Variants in TMEM132D observed in about 807,000 individuals in gnomAD.
TMEM132D encodes mature OL transmembrane protein.
In TMEM132D, 21 loss-of-function variants were observed where a neutral mutation model predicts 62.3. That is an observed-to-expected ratio of 0.34 (90% CI 0.24 to 0.49). The LOEUF is 0.49. Ranked by LOEUF, TMEM132D falls within the 20% of genes least tolerant of loss-of-function variation. The probability of loss-of-function intolerance (pLI) is 0.99; values close to 1 mark genes in which losing one functional copy is unlikely to be tolerated. For synonymous variants in TMEM132D, 621 were observed against 575.6 expected, an observed-to-expected ratio of 1.08 and a Z score of -1.13; for missense variants, 1,346 against 1,402.8, an observed-to-expected ratio of 0.96 and a Z score of 0.65.
intron 4 of TMEM132D, among the ~76,000 whole-genome samples, chr12:129,254,314 A>G (rs1317729571): frequency 1.3e-5 from 2 of 152,220 alleles, no homozygotes; most frequent in East Asian, 3.9e-4. Flanking sequence ...TCAATATATC[A>G]CATGCGTGCC....
intron 5 of TMEM132D, among the ~76,000 whole-genome samples, chr12:129,150,112 CA>C (rs1877029162): frequency 1.3e-5 from 2 of 152,222 alleles, no homozygotes; most frequent in South Asian, 4.1e-4. Context: ...CAGCACAGGC[CA>C]GGGGCAAGCC....
In TMEM132D at chr12:129,823,967, G is replaced by A. The variant is rs145540450; in HGVS notation, c.79+79294C>T. Among the ~76,000 whole-genome samples the A allele has an allele frequency of 2.1e-4, 32 of 152,244 alleles. No individual in the cohort carries two copies. The South Asian group carries it at 2.9e-3, about 14-fold the overall frequency. ...ATAGAGGCCTTAGCATGAGCCAGGC[G>A]TTGATGTAGGAAAGTGCTTCTCATC... On this transcript the variant is annotated intron_variant, in intron 1 of 8. Coordinates refer to ENST00000422113, the MANE Select transcript of TMEM132D (RefSeq NM_133448.3).
chr12:129,443,834 T>C (rs1042935066), intron 3 of TMEM132D, among the ~76,000 whole-genome samples: 1 of 152,194 alleles, frequency 6.6e-6, no homozygotes, highest in African/African-American at 2.4e-5. Flanking sequence ...TCTTTGTCGA[T>C]AATGATTGTT....
At chr12:129,229,382 C>G (rs1879574236) in intron 4 of TMEM132D, among the ~76,000 whole-genome samples, 1 of 152,182 alleles carries the variant, frequency 6.6e-6, no homozygotes, top group South Asian at 2.1e-4. Flanking sequence ...TCATTTATAG[C>G]TTCCAAACAT....
chr12:129,434,851 A>G (rs1872747779), intron 3 of TMEM132D, among the ~76,000 whole-genome samples: 1 of 152,146 alleles, frequency 6.6e-6, no homozygotes, highest in South Asian at 2.1e-4. Context: ...GCTATTTTGA[A>G]ATATACACTA....
chr12:129,377,794 TTC>T (rs1555252082), intron 3 of TMEM132D, among the ~76,000 whole-genome samples: 1 of 152,222 alleles, frequency 6.6e-6, no homozygotes, highest in Non-Finnish European at 1.5e-5. Flanking sequence ...ATGCTGTGAT[TTC>T]TGTTATGCAT....
intron 3 of TMEM132D, among the ~76,000 whole-genome samples, chr12:129,397,812 T>TG (rs1232052573): frequency 6.6e-6 from 1 of 152,184 alleles, no homozygotes; most frequent in Admixed American, 6.5e-5. Context: ...ACACCTGCAC[T>TG]GGCTGCACTG....
intron 1 of TMEM132D, among the ~76,000 whole-genome samples, chr12:129,847,886 T>C (rs1873414551): frequency 6.6e-6 from 1 of 151,994 alleles, no homozygotes; most frequent in South Asian, 2.1e-4. Context: ...CAGACATGCA[T>C]GGGGCAGCCT....
At chr12:129,377,498 C>T (rs909327017) in intron 3 of TMEM132D, among the ~76,000 whole-genome samples, 1 of 152,152 alleles carries the variant, frequency 6.6e-6, no homozygotes, top group African/African-American at 2.4e-5. Flanking sequence ...CCATCTCCAT[C>T]GAGAAATGCT....
At chr12:129,544,666 T>C (rs955086440) in intron 2 of TMEM132D, among the ~76,000 whole-genome samples, 2 of 152,150 alleles carry the variant, frequency 1.3e-5, no homozygotes, top group Non-Finnish European at 2.9e-5. Context: ...ACCACTTCTG[T>C]TAGCACATTT....
intron 5 of TMEM132D, among the ~76,000 whole-genome samples, chr12:129,149,903 C>T (rs1253005585): frequency 6.6e-6 from 1 of 152,224 alleles, no homozygotes; most frequent in Non-Finnish European, 1.5e-5. Flanking sequence ...CCGGCTTCTC[C>T]GGTGTGTAAG....
chr12:129,788,617 A>C (rs544136799), intron 1 of TMEM132D, among the ~76,000 whole-genome samples: 1 of 152,340 alleles, frequency 6.6e-6, no homozygotes, highest in African/African-American at 2.4e-5. Context: ...AGTATGACTA[A>C]GCTTATTTCA....
At chr12:129,450,352 C>T (rs1873235380) in intron 3 of TMEM132D, among the ~76,000 whole-genome samples, 2 of 152,122 alleles carry the variant, frequency 1.3e-5, no homozygotes, top group South Asian at 2.1e-4. Context: ...ACATTTAAGT[C>T]TTGAATCCAT....
chr12:129,108,512 T>A (rs1875576560), intron 5 of TMEM132D, among the ~76,000 whole-genome samples: 1 of 152,150 alleles, frequency 6.6e-6, no homozygotes, highest in South Asian at 2.1e-4. Flanking sequence ...GCTGTAATGT[T>A]CAGCAGGAGG....
At chr12:129,622,753 G>A (rs1879108449) in intron 2 of TMEM132D, among the ~76,000 whole-genome samples, 1 of 152,182 alleles carries the variant, frequency 6.6e-6, no homozygotes, top group Admixed American at 6.5e-5. Context: ...GTCAATCATA[G>A]TGCCCTTCCC....
intron 1 of TMEM132D, among the ~76,000 whole-genome samples, chr12:129,735,921 G>A (rs1223446102): frequency 2.0e-5 from 3 of 152,128 alleles, no homozygotes; most frequent in Non-Finnish European, 2.9e-5. Context: ...GCTGAAGCAC[G>A]AATGAGGGGC....
At chr12:129,463,056 A>G (rs946454674) in intron 3 of TMEM132D, among the ~76,000 whole-genome samples, 2 of 152,206 alleles carry the variant, frequency 1.3e-5, no homozygotes, top group African/African-American at 4.8e-5. Context: ...ACACACAGGA[A>G]AACTGAATCT....
At chr12:129,507,010 GA>G (rs958036628) in intron 3 of TMEM132D, among the ~76,000 whole-genome samples, 1 of 151,724 alleles carries the variant, frequency 6.6e-6, no homozygotes, top group Non-Finnish European at 1.5e-5. Context: ...AAATTAGCAA[GA>G]AAAAAACAAA....
intron 5 of TMEM132D, among the ~76,000 whole-genome samples, chr12:129,207,708 T>A (rs923922614): frequency 6.6e-6 from 1 of 152,194 alleles, no homozygotes; most frequent in Non-Finnish European, 1.5e-5. Flanking sequence ...GGTTTGATTC[T>A]GTCTCTGTAA....
Sources: gnomAD v4.1 joint callset for allele counts (sites outside exome capture counted in the v4.1 genomes callset) on GRCh38, gnomAD v4.1.1 for gene constraint, MANE v1.5 for transcripts, NCBI Gene and HGNC (gene_info 2026-07-23, HGNC 2026-07-21) for gene names.